Variants in DNAH1 observed in about 807,000 individuals in gnomAD.
The protein encoded by DNAH1 is dynein axonemal heavy chain 1.
Under a neutral mutation model 484.3 loss-of-function variants are expected in DNAH1, and 327 were observed. The ratio of observed to expected loss-of-function variants is 0.68; its 90% CI spans 0.62 to 0.74. The LOEUF (loss-of-function observed/expected upper bound fraction) is 0.74, where lower values mean the gene tolerates loss of function less well. Ranked by LOEUF, DNAH1 falls within the 30% of genes least tolerant of loss-of-function variation. The pLI is 0.00. For synonymous variants in DNAH1, 2,192 were observed against 2,191.9 expected (o/e 1.00, Z 0.00); for missense variants, 5,052 against 5,546.8 (o/e 0.91, Z 2.83).
chr3:52,362,848 A>G lies in DNAH1; in HGVS notation c.5095-147A>G. 1.8e-6 allele frequency: 2 copies of G among 1,116,438 alleles called. No individual in the cohort carries two copies. The highest frequency in any genetic ancestry group is 1.4e-5 in the South Asian group (1 of 70,402). 69.2% of individuals were successfully genotyped at this position (1,116,438 alleles called of 1,614,324 possible). A position where few individuals can be genotyped will look rare whatever the true frequency, so the allele number is the denominator to read the frequency against. ...AAGGATCCACTCTAATGGCAGAGCT[A>G]CCAGTCTCAGGGGAGTGAAAGCCTC... On this transcript the variant is annotated intron_variant, in intron 31 of 77. Coordinates refer to ENST00000420323, the MANE Select transcript of DNAH1 (RefSeq NM_015512.5). This position sits in a 1 kb window ranked among gnomAD's most constrained non-coding sequence, Gnocchi z 5.1.
At chr3:52,326,097 C>T (rs1458115730) in intron 3 of DNAH1, 43 bp from the exon 4 acceptor site, 4 of 1,463,602 alleles carry the variant, frequency 2.7e-6, no homozygotes, top group African/African-American at 2.9e-5. Context: ...TTTTTGGGTG[C>T]TGGCCTGAGC....
Position 52,362,477 on chromosome 3 carries a change from C to T in DNAH1, c.5070C>T (p.Arg1690=), listed in dbSNP as rs1451027972. 1.2e-6 allele frequency: 2 copies of T among 1,613,886 alleles called. No individual in the cohort carries two copies. Among genetic ancestry groups the T allele is most frequent in the East Asian group, 2.2e-5 (1 of 44,888 alleles). The change falls in exon 31 of 78, where the codon CGC becomes CGT. Residue 1690 remains arginine (R), a synonymous_variant. Coordinates refer to ENST00000420323, the MANE Select transcript of DNAH1 (RefSeq NM_015512.5). This position sits in a 1 kb window ranked among gnomAD's most constrained non-coding sequence, Gnocchi z 5.1. ...CCATGAACCCGGGCTACGCTGGCCG[C>T]ACGGAGCTGCCTGACAATCTGAAGG... ...FITMNPGYAG[R]TELPDNLKAL...
chr3:52,386,049 A>G, intron 54 of DNAH1, 111 bp from the exon 55 acceptor site: 2 of 1,264,984 alleles, frequency 1.6e-6, no homozygotes, highest in Non-Finnish European at 2.1e-6. Flanking sequence ...GGCCTGTCAC[A>G]GCTGGAGGGC....
intron 4 of DNAH1, 34 bp from the exon 5 acceptor site, chr3:52,326,701 G>C: frequency 1.3e-6 from 2 of 1,551,186 alleles, no homozygotes; most frequent in Non-Finnish European, 1.7e-6. Flanking sequence ...CACGAGCCAA[G>C]CCATCCTGAG....
At position 52,392,528 on chromosome 3, in the gene DNAH1, A is replaced by C. The variant is rs756897861; in HGVS notation, c.10117A>C (p.Lys3373Gln). 1.2e-6 allele frequency: 2 copies of C among 1,613,968 alleles called. No homozygotes were observed. Among genetic ancestry groups the C allele is most frequent in the Non-Finnish European group, 1.7e-6 (2 of 1,179,870 alleles). The change falls in exon 64 of 78, where the codon AAG (lysine) becomes CAG (glutamine). Residue 3373 changes from lysine to glutamine, a missense_variant. Lys to Gln is a moderately conservative substitution (Grantham distance 53). Coordinates refer to ENST00000420323, the MANE Select transcript of DNAH1 (RefSeq NM_015512.5). Reference sequence around the variant, plus strand: ...GGAGCGACCCGACCTGGAGGAGGCCAAGAACCAGCTGATTATCAGTAATGC... The same window carrying C: ...GGAGCGACCCGACCTGGAGGAGGCCCAGAACCAGCTGATTATCAGTAATGC... Reference protein sequence around the residue: ...AEERPDLEEAKNQLIISNAKM... With the variant: ...AEERPDLEEAQNQLIISNAKM...
rs769639824 is a variant in DNAH1, at chr3:52,400,294, C to A, written c.12677-31C>A. 195 of 1,613,078 alleles carry A rather than the reference C, an allele frequency of 1.2e-4. No individual in the cohort carries two copies. In the Admixed American group the frequency reaches 3.1e-3, roughly 26 times the overall value. ...CCCTGCTAGTAGTAATAGGGCATGACCTAACCCGTCCCCCTCCTTGCCCAT... is the reference window on the plus strand; with the variant it reads ...CCCTGCTAGTAGTAATAGGGCATGAACTAACCCGTCCCCCTCCTTGCCCAT... On this transcript the variant is annotated intron_variant, in intron 77 of 77. Coordinates refer to ENST00000420323, the MANE Select transcript of DNAH1 (RefSeq NM_015512.5).
rs1703773765 is a variant in DNAH1 at position 52,380,022 on chromosome 3, C to G, written c.7495C>G (p.Gln2499Glu). Residue 2499 changes from glutamine to glutamate, a missense_variant, in exon 48 of 78, where the codon CAG becomes GAG. By Grantham distance (29) the Gln-to-Glu change is conservative (BLOSUM62 2). Transcript: ENST00000420323. ...CCAGCTCCTCAAGCGCTGCATGGAG[C>G]AGTGGGAGGTGACCTTCAACAAGGT... The part of the protein sequence containing the change: ...FDQLLKRCME[Q>E]WEVTFNKVCP... 1 of 1,596,944 alleles carries G rather than the reference C, an allele frequency of 6.3e-7. No homozygotes were observed. The highest frequency in any genetic ancestry group is 2.3e-5 in the East Asian group (1 of 44,018).
intron 46 of DNAH1, 70 bp from the exon 47 acceptor site, chr3:52,378,532 G>T (rs1703701899): frequency 6.6e-7 from 1 of 1,525,710 alleles, no homozygotes; most frequent in Admixed American, 1.7e-5. Flanking sequence ...AAGGCAAGGA[G>T]GTCAGGACCT....
chr3:52,396,421 A>G lies in DNAH1; in HGVS notation c.11313A>G (p.Pro3771=). 4 of 1,591,362 alleles carry G rather than the reference A, an allele frequency of 2.5e-6. No homozygotes were observed. The highest frequency in any genetic ancestry group is 2.3e-5 in the South Asian group (2 of 87,442). ...WLTSLPSNKF[P]VSILQNGSKM... ...CCAGCCTGCCCAGCAACAAGTTCCCAGTGTCCATCCTGCAGAACGGCTCCA... is the reference window on the plus strand; with the variant it reads ...CCAGCCTGCCCAGCAACAAGTTCCCGGTGTCCATCCTGCAGAACGGCTCCA... The change falls in exon 71 of 78, where the codon CCA becomes CCG. Residue 3771 remains proline, a synonymous_variant. Transcript: ENST00000420323.
In DNAH1 at chr3:52,398,032, A is replaced by G. The variant is rs1704717209; in HGVS notation, c.11959A>G (p.Ile3987Val). 1 of 1,613,282 alleles carries G rather than the reference A, an allele frequency of 6.2e-7. No homozygotes were observed. The stretch of plus-strand genomic sequence containing the variant: ...CCACAGTATTCCTTTGCCCCTGCAG[A>G]TAGTGGAGGACGTCACCCAAAACAT... ...SSAGSQGREEIVEDVTQNILL... is the reference protein window; with the variant it reads ...SSAGSQGREEVVEDVTQNILL... Residue 3987 changes from isoleucine to valine, a missense_variant and splice_region_variant, in exon 75 of 78, where the codon ATA becomes GTA. Around this residue, in one of 4 missense-constraint regions of DNAH1, gnomAD observed 853 missense variants for 899.0 expected, o/e 0.95. Coordinates refer to ENST00000420323, the MANE Select transcript of DNAH1 (RefSeq NM_015512.5).
In DNAH1 at chr3:52,349,257, G is replaced by A. The variant is rs376796237; in HGVS notation, c.2363G>A (p.Arg788Gln). 14 of 1,613,826 alleles carry A rather than the reference G, an allele frequency of 8.7e-6. No homozygotes were observed. Among genetic ancestry groups the A allele is most frequent in the African/African-American group, 2.7e-5 (2 of 74,930 alleles). The change falls in exon 14 of 78, where the codon CGG becomes CAG. Residue 788 changes from arginine to glutamine, a missense_variant. Physicochemically the swap from Arg to Gln is conservative, Grantham distance 43. Coordinates refer to ENST00000420323, the MANE Select transcript of DNAH1 (RefSeq NM_015512.5). ...CGGGAGGTAGTGCTCACCCACCTGC[G>A]GGAGAAGGAGATCCTGGACAGCTCG... ...EVREVVLTHL[R>Q]EKEILDSSLP...
Position 52,368,993 on chromosome 3 carries a change from C to G in DNAH1, c.5943+75C>G, listed in dbSNP as rs1703203829. 2 of 1,531,006 alleles carry G rather than the reference C, an allele frequency of 1.3e-6. No homozygotes were observed. Among genetic ancestry groups the G allele is most frequent in the African/African-American group, 1.4e-5 (1 of 73,590 alleles). The allele number at this position is 1,531,006 out of a possible 1,614,324, so 94.8% of individuals were successfully genotyped here. A position where few individuals can be genotyped will look rare whatever the true frequency, so the allele number is the denominator to read the frequency against. On this transcript the variant is annotated intron_variant, in intron 37 of 77. Coordinates refer to ENST00000420323, the MANE Select transcript of DNAH1 (RefSeq NM_015512.5). The surrounding 1 kb of genome is among the most constrained non-coding windows in gnomAD (Gnocchi z 4.4). ...TGGAGGCTGCATCATGCTGGCCAAA[C>G]TCTGCCCCCTCACCCCTTTCTCTCA...
chr3:52,389,110 G>T (rs1704252382), intron 59 of DNAH1, among the ~76,000 whole-genome samples, 173 bp downstream of exon 59: 1 of 152,258 alleles, frequency 6.6e-6, no homozygotes, highest in Non-Finnish European at 1.5e-5. Flanking sequence ...AAGCACTGGG[G>T]ATACAGCAGT....
In DNAH1 at chr3:52,384,949, A is replaced by G. The variant is rs750963532; in HGVS notation, c.8486A>G (p.Lys2829Arg). 3.7e-6 allele frequency: 6 copies of G among 1,613,520 alleles called. No individual in the cohort carries two copies. The African/African-American group carries it at 6.7e-5, about 18-fold the overall frequency. ...AAGAAACTGGAGCTGAAAACTGCCA[A>G]GAACCGCATGAAGAGCGGCCTCGAC... ...GQKKLELKTA[K>R]NRMKSGLDKL... The change falls in exon 53 of 78, where the codon AAG becomes AGG. Residue 2829 changes from lysine to arginine, a missense_variant. Physicochemically the swap from Lys to Arg is conservative, Grantham distance 26 (BLOSUM62 2). Around this residue, in one of 4 missense-constraint regions of DNAH1, gnomAD observed 2,929 missense variants for 3,409.4 expected, o/e 0.86. Transcript: ENST00000420323.
In DNAH1 at chr3:52,373,767, C is replaced by T. The variant is rs373022589; in HGVS notation, c.6985+714C>T. 188 of 1,419,110 alleles carry T rather than the reference C, an allele frequency of 1.3e-4. No homozygotes were observed. The African/African-American group carries it at 1.4e-3, about 10-fold the overall frequency. 87.9% of individuals were successfully genotyped at this position (1,419,110 alleles called of 1,614,324 possible). A position where few individuals can be genotyped will look rare whatever the true frequency, so the allele number is the denominator to read the frequency against. On this transcript the variant is annotated intron_variant, in intron 44 of 77. Transcript: ENST00000420323. ...TGAACTAAAGTAGAAGGAATTAAAACGAGCTGCTTTAAGTGAAATGGTAGA... is the reference window on the plus strand; with the variant it reads ...TGAACTAAAGTAGAAGGAATTAAAATGAGCTGCTTTAAGTGAAATGGTAGA...
At chr3:52,335,067 T>C (rs1185060305) in intron 8 of DNAH1, among the ~76,000 whole-genome samples, 29 of 150,506 alleles carry the variant, frequency 1.9e-4, no homozygotes, top group African/African-American at 6.7e-4. Context: ...CCCAAAGTGC[T>C]GGGATTACAG....
intron 65 of DNAH1, 26 bp from the exon 66 acceptor site, chr3:52,393,308 G>C (rs779571498): frequency 6.2e-7 from 1 of 1,611,824 alleles, no homozygotes; most frequent in Non-Finnish European, 8.5e-7. Context: ...ACCTCTCCGC[G>C]CTGCCATCAC....
chr3:52,373,508 C>T, intron 44 of DNAH1: 1 of 1,460,814 alleles, frequency 6.8e-7, no homozygotes, highest in Non-Finnish European at 9.4e-7. Context: ...TCAGGAAAAA[C>T]AGCCTTGTTG....
chr3:52,357,578 C>T (rs113305664), intron 22 of DNAH1, 36 bp from the exon 23 acceptor site: 4 of 1,586,814 alleles, frequency 2.5e-6, no homozygotes, highest in Non-Finnish European at 3.4e-6. Context: ...GGACCATGCT[C>T]ACTGCCCATT....
Sources: allele counts gnomAD v4.1 joint callset (sites outside exome capture counted in the v4.1 genomes callset), GRCh38; gene constraint gnomAD v4.1.1; regional missense constraint gnomAD v4.1.1; non-coding constraint Gnocchi (gnomAD v3.1); transcripts MANE v1.5; gene names NCBI Gene and HGNC (gene_info 2026-07-23, HGNC 2026-07-21).